Variants in NEGR1 observed in about 807,000 individuals in gnomAD.
The protein encoded by NEGR1 is neuronal growth regulator 1.
Under a neutral mutation model 40.9 loss-of-function variants are expected in NEGR1, and 10 were observed. That is an observed-to-expected ratio of 0.24 (90% CI 0.15 to 0.42). The LOEUF is 0.42. NEGR1 is among the 10% of genes least tolerant of loss of function. NEGR1 has a pLI of 1.00. For missense variants in NEGR1, 352 were observed against 438.9 expected, an observed-to-expected ratio of 0.80 and a Z score of 1.77; for synonymous variants, 185 against 166.8, an observed-to-expected ratio of 1.11 and a Z score of -0.84.
chr1:71,648,003 A>C (rs555104127), intron 4 of NEGR1, among the ~76,000 whole-genome samples: 16 of 152,014 alleles, frequency 1.1e-4, no homozygotes, highest in Non-Finnish European at 1.9e-4. Context: ...AGTGAAAAGC[A>C]ATGGAGGACA....
chr1:72,190,076 C>T (rs367815493), intron 1 of NEGR1, among the ~76,000 whole-genome samples: 1 of 151,322 alleles, frequency 6.6e-6, no homozygotes. Flanking sequence ...ATTTTAGTAA[C>T]AGGGAAAAAT....
At chr1:72,247,240 T>C (rs1654932139) in intron 1 of NEGR1, among the ~76,000 whole-genome samples, 1 of 152,218 alleles carries the variant, frequency 6.6e-6, no homozygotes, top group Non-Finnish European at 1.5e-5. Flanking sequence ...CTGAAGGTGG[T>C]TGCTCCAAAG....
intron 1 of NEGR1, among the ~76,000 whole-genome samples, chr1:72,065,213 T>C (rs116234489): frequency 0.011 from 1,624 of 152,242 alleles, 29 homozygotes; most frequent in African/African-American, 0.037. Flanking sequence ...TTTTGCACAC[T>C]GTATTATTAC....
At chr1:72,170,447 T>C (rs531105128) in intron 1 of NEGR1, among the ~76,000 whole-genome samples, 59 of 152,282 alleles carry the variant, frequency 3.9e-4, no homozygotes, top group African/African-American at 1.4e-3. Context: ...TTGTGTTGTA[T>C]TGTCTGCAGT....
intron 6 of NEGR1, among the ~76,000 whole-genome samples, chr1:71,546,313 C>T (rs1368339646): frequency 1.3e-5 from 2 of 151,650 alleles, no homozygotes; most frequent in African/African-American, 4.8e-5. Context: ...ATGCATTTAT[C>T]TATTCAAAAG....
Position 71,749,176 on chromosome 1 carries a change from T to C in NEGR1, c.535+26996A>G, listed in dbSNP as rs187759856. ...CTGATGCAATATGGAAGAGGATGTT[T>C]AACTAAGAAAACACTTTTTCCTGTT... On this transcript the variant is annotated intron_variant, in intron 3 of 6. Transcript: ENST00000357731. 4.2e-3 allele frequency among the ~76,000 whole-genome samples: 633 copies of C among 152,336 alleles called. 3 individuals are homozygous for C. The highest frequency in any genetic ancestry group is 0.014 in the Middle Eastern group (4 of 294).
At chr1:72,224,960 T>A (rs909384930) in intron 1 of NEGR1, among the ~76,000 whole-genome samples, 1 of 152,086 alleles carries the variant, frequency 6.6e-6, no homozygotes, top group African/African-American at 2.4e-5. Flanking sequence ...TTACAAACTA[T>A]GCATTTCAAT....
chr1:71,927,615 C>T (rs139080708), intron 2 of NEGR1, among the ~76,000 whole-genome samples: 1 of 151,624 alleles, frequency 6.6e-6, no homozygotes, highest in Non-Finnish European at 1.5e-5. Context: ...TCTCTCTAGA[C>T]CTCAATAATA....
chr1:72,007,923 A>G (rs1178900571), intron 1 of NEGR1, among the ~76,000 whole-genome samples: 1 of 152,136 alleles, frequency 6.6e-6, no homozygotes, highest in Non-Finnish European at 1.5e-5. Flanking sequence ...GGTAATAATG[A>G]GGCATATGAA....
At chr1:71,677,744 A>G (rs1046545543) in intron 4 of NEGR1, among the ~76,000 whole-genome samples, 1 of 152,216 alleles carries the variant, frequency 6.6e-6, no homozygotes, top group African/African-American at 2.4e-5. Flanking sequence ...GTCCTTAAAC[A>G]TAATTTACAA....
intron 6 of NEGR1, among the ~76,000 whole-genome samples, chr1:71,559,019 G>GTGTGTGTGTA (rs377263417): frequency 6.0e-4 from 69 of 114,088 alleles, no homozygotes; most frequent in African/African-American, 2.0e-3. Context: ...CTGTGTGTGT[G>GTGTGTGTGTA]TATATATATA....
chr1:71,580,619 G>A (rs1021928461), intron 6 of NEGR1, among the ~76,000 whole-genome samples: 2 of 151,986 alleles, frequency 1.3e-5, no homozygotes, highest in African/African-American at 4.8e-5. Flanking sequence ...AAAATAAAGT[G>A]AAGAAAATTA....
At chr1:71,880,805 T>C (rs628247) in intron 2 of NEGR1, among the ~76,000 whole-genome samples, 51,429 of 151,792 alleles carry the variant, frequency 0.34, 9,162 homozygotes, top group East Asian at 0.6. Context: ...TGAGCATTTT[T>C]TTAGAGCTCA....
intron 1 of NEGR1, among the ~76,000 whole-genome samples, chr1:72,015,143 T>G (rs1249771329): frequency 6.6e-6 from 1 of 152,126 alleles, no homozygotes; most frequent in Non-Finnish European, 1.5e-5. Context: ...AATACAATTT[T>G]TAAAAATATG....
intron 2 of NEGR1, among the ~76,000 whole-genome samples, chr1:71,810,866 T>C (rs1380352626): frequency 1.3e-5 from 2 of 152,176 alleles, no homozygotes; most frequent in African/African-American, 4.8e-5. Context: ...TGTGGAACTG[T>C]GAGCCAATTA....
intron 1 of NEGR1, among the ~76,000 whole-genome samples, chr1:71,946,752 T>C (rs1019512649): frequency 1.4e-5 from 2 of 141,520 alleles, no homozygotes; most frequent in Non-Finnish European, 1.5e-5. Context: ...TATTCAAAAA[T>C]AAAATAACTT....
intron 2 of NEGR1, among the ~76,000 whole-genome samples, chr1:71,832,588 A>T (rs1658878064): frequency 6.6e-6 from 1 of 152,046 alleles, no homozygotes; most frequent in African/African-American, 2.4e-5. Flanking sequence ...AAAACATCAA[A>T]TAACAATAGT....
At chr1:72,127,780 T>C (rs958114897) in intron 1 of NEGR1, among the ~76,000 whole-genome samples, 4 of 152,110 alleles carry the variant, frequency 2.6e-5, no homozygotes, top group African/African-American at 7.2e-5. Context: ...CTCACAATGG[T>C]TCTAATTCTA....
At chr1:71,447,663 C>G (rs1043810778) in intron 6 of NEGR1, among the ~76,000 whole-genome samples, 2 of 152,188 alleles carry the variant, frequency 1.3e-5, no homozygotes, top group African/African-American at 4.8e-5. Flanking sequence ...ATTTCATCAT[C>G]TGTACTGCCC....
Sources: gnomAD v4.1 joint callset for allele counts (sites outside exome capture counted in the v4.1 genomes callset) on GRCh38, gnomAD v4.1.1 for gene constraint, MANE v1.5 for transcripts, NCBI Gene and HGNC (gene_info 2026-07-23, HGNC 2026-07-21) for gene names.